The following BBS9 variants were observed in gnomAD, a reference collection of about 807,000 sequenced individuals.
The protein encoded by BBS9 is protein PTHB1.
A neutral mutation model predicts 117.7 loss-of-function variants in BBS9; 89 were observed. The observed-to-expected ratio is 0.76, with a 90% CI of 0.64 to 0.90. BBS9 has a LOEUF of 0.90. BBS9 is among the 40% of genes least tolerant of loss of function. BBS9 has a pLI of 0.00. For missense variants in BBS9, 982 were observed against 1,042.2 expected (o/e 0.94, Z 0.80); for synonymous variants, 379 against 370.9 (o/e 1.02, Z -0.25).
intron 5 of BBS9, among the ~76,000 whole-genome samples, chr7:33,185,112 T>A (rs1258101969): frequency 1.3e-5 from 2 of 152,178 alleles, no homozygotes; most frequent in African/African-American, 2.4e-5. Flanking sequence ...TAATGAGTAG[T>A]GAGGACAACC....
intron 20 of BBS9, among the ~76,000 whole-genome samples, chr7:33,510,650 C>T (rs1846812534): frequency 6.6e-6 from 1 of 152,088 alleles, no homozygotes; most frequent in Admixed American, 6.6e-5. Flanking sequence ...CCTGTGCTGC[C>T]TAATATGGTA....
chr7:33,600,070 G>T (rs1388722736), intron 21 of BBS9, among the ~76,000 whole-genome samples: 5 of 152,266 alleles, frequency 3.3e-5, no homozygotes, highest in African/African-American at 1.2e-4. Flanking sequence ...ATAGGAATTT[G>T]CTGTATTATT....
intron 21 of BBS9, among the ~76,000 whole-genome samples, chr7:33,556,698 A>C (rs926291878): frequency 6.6e-6 from 1 of 152,162 alleles, no homozygotes; most frequent in East Asian, 1.9e-4. Flanking sequence ...TGCCAGGAAA[A>C]TGACTTTAGA....
At chr7:33,493,883 T>C (rs1055097582) in intron 19 of BBS9, among the ~76,000 whole-genome samples, 1 of 152,210 alleles carries the variant, frequency 6.6e-6, no homozygotes, top group Non-Finnish European at 1.5e-5. Flanking sequence ...TTTAATACCA[T>C]TAATTTTTGC....
rs1043148592 is a variant in BBS9, at chr7:33,531,865, A to G, written c.2299-2089A>G. On this transcript the variant is annotated intron_variant, in intron 20 of 22. Coordinates refer to ENST00000242067, the MANE Select transcript of BBS9 (RefSeq NM_198428.3). Reference sequence around the variant, plus strand: ...TGCCTAGGCAGATGGTTGCCGTTGTATAAATGATCCTGGGAAAACCCCCAC... The same window carrying G: ...TGCCTAGGCAGATGGTTGCCGTTGTGTAAATGATCCTGGGAAAACCCCCAC... 2.6e-4 allele frequency among the ~76,000 whole-genome samples: 39 copies of G among 152,254 alleles called. 2 individuals are homozygous for G.
intron 19 of BBS9, among the ~76,000 whole-genome samples, chr7:33,421,268 A>T (rs959223666): frequency 6.6e-6 from 1 of 152,006 alleles, no homozygotes; most frequent in Non-Finnish European, 1.5e-5. Flanking sequence ...CTTTTACATG[A>T]TTGAAGATAG....
chr7:33,560,686 CAT>C (rs1334998799), intron 21 of BBS9, among the ~76,000 whole-genome samples: 1 of 152,076 alleles, frequency 6.6e-6, no homozygotes, highest in Non-Finnish European at 1.5e-5. Context: ...TAAAAGTCTC[CAT>C]TCAAATACTC....
chr7:33,137,069 G>C (rs1400321236), intron 1 of BBS9, among the ~76,000 whole-genome samples: 1 of 152,116 alleles, frequency 6.6e-6, no homozygotes, highest in Non-Finnish European at 1.5e-5. Context: ...GGGTGTATCA[G>C]TGGATTATAC....
intron 15 of BBS9, among the ~76,000 whole-genome samples, chr7:33,357,320 T>G (rs1325430149): frequency 2.0e-5 from 3 of 151,784 alleles, no homozygotes; most frequent in Non-Finnish European, 4.4e-5. Flanking sequence ...GAACATGGAC[T>G]TCAATAGAAC....
rs560819011 is a variant in BBS9 at position 33,221,339 on chromosome 7, A to C, written c.443-35897A>C. ...TGTTCCAGACATAGAGCAAGTAGTC[A>C]ATATCTGGAATAAATGAACGTGCTA... is the stretch of plus-strand genomic sequence containing the variant. On this transcript the variant is annotated intron_variant, in intron 5 of 22. Coordinates refer to ENST00000242067, the MANE Select transcript of BBS9 (RefSeq NM_198428.3). Among the ~76,000 whole-genome samples, 3 of 152,342 alleles carry C rather than the reference A, an allele frequency of 2.0e-5. No homozygotes were observed. In the South Asian group the frequency reaches 6.2e-4, roughly 32 times the overall value.
chr7:33,508,061 T>G (rs1846397097), intron 20 of BBS9, among the ~76,000 whole-genome samples: 1 of 152,234 alleles, frequency 6.6e-6, no homozygotes, highest in Admixed American at 6.5e-5. Context: ...ATATGCAGAA[T>G]CAACAAAATT....
chr7:33,557,382 G>T (rs1855448942), intron 21 of BBS9, among the ~76,000 whole-genome samples: 1 of 151,960 alleles, frequency 6.6e-6, no homozygotes, highest in Non-Finnish European at 1.5e-5. Context: ...AAGGTTTCTG[G>T]TTTCTTTATT....
At chr7:33,612,412 C>G (rs1014212948) in intron 21 of BBS9, among the ~76,000 whole-genome samples, 1 of 152,036 alleles carries the variant, frequency 6.6e-6, no homozygotes, top group South Asian at 2.1e-4. Flanking sequence ...AAAACACATA[C>G]ACACATACAC....
rs191111469 is a variant in BBS9, at chr7:33,154,487, C to T, written c.264-1151C>T. ...TATTTTATTTTGTTTTATTTTGAGG[C>T]GGAGTTTCACTCTCGTCGCCCAGAC... On this transcript the variant is annotated intron_variant, in intron 3 of 22. Transcript: ENST00000242067. Among the ~76,000 whole-genome samples, 5 of 152,096 alleles carry T rather than the reference C, an allele frequency of 3.3e-5. No homozygotes were observed. In the East Asian group the frequency reaches 5.8e-4, roughly 18 times the overall value.
intron 21 of BBS9, among the ~76,000 whole-genome samples, chr7:33,617,592 TAA>T (rs559880753): frequency 1.2e-3 from 189 of 152,032 alleles, no homozygotes; most frequent in Admixed American, 3.7e-3. Flanking sequence ...TAATTCAAAT[TAA>T]TCATCTTAAA....
At chr7:33,280,455 T>C (rs962814486) in intron 9 of BBS9, among the ~76,000 whole-genome samples, 14 of 152,326 alleles carry the variant, frequency 9.2e-5, no homozygotes, top group African/African-American at 3.4e-4. Flanking sequence ...CCCCCATATC[T>C]TTTCTGGATT....
intron 5 of BBS9, among the ~76,000 whole-genome samples, chr7:33,210,912 A>C (rs1266041800): frequency 6.6e-6 from 1 of 152,148 alleles, no homozygotes; most frequent in Non-Finnish European, 1.5e-5. Context: ...CTCCTGTATC[A>C]TTGTATGATG....
chr7:33,583,653 T>C (rs1860389407), intron 21 of BBS9, among the ~76,000 whole-genome samples: 1 of 152,066 alleles, frequency 6.6e-6, no homozygotes, highest in Non-Finnish European at 1.5e-5. Context: ...ATCTAGGGTA[T>C]TTGAGAGCTA....
chr7:33,521,983 G>A (rs1848687798), intron 20 of BBS9, among the ~76,000 whole-genome samples: 1 of 147,040 alleles, frequency 6.8e-6, no homozygotes, highest in Non-Finnish European at 1.5e-5. Context: ...ACCTATGAGT[G>A]AGAATATGCG....
Sources: gnomAD v4.1 joint callset for allele counts (sites outside exome capture counted in the v4.1 genomes callset) on GRCh38, gnomAD v4.1.1 for gene constraint, MANE v1.5 for transcripts, NCBI Gene and HGNC (gene_info 2026-07-23, HGNC 2026-07-21) for gene names.